SLC30A8: variants seen among roughly 807,000 people sequenced by gnomAD.
SLC30A8 encodes proton-coupled zinc antiporter SLC30A8.
SLC30A8 carries 27 observed loss-of-function variants against 36.9 expected under a neutral mutation model. The ratio of observed to expected loss-of-function variants is 0.73; its 90% CI spans 0.54 to 1.01. The LOEUF (loss-of-function observed/expected upper bound fraction) is 1.01, where lower values mean the gene tolerates loss of function less well. Ranked by LOEUF, SLC30A8 falls within the 50% of genes least tolerant of loss-of-function variation. SLC30A8 has a pLI of 0.00. For synonymous variants in SLC30A8, 164 were observed against 172.4 expected, an observed-to-expected ratio of 0.95 and a Z score of 0.38; for missense variants, 439 against 452.0, an observed-to-expected ratio of 0.97 and a Z score of 0.26.
At chr8:116,989,481 C>T (rs1030748565) in intron 1 of SLC30A8, among the ~76,000 whole-genome samples, 2 of 152,030 alleles carry the variant, frequency 1.3e-5, no homozygotes, top group African/African-American at 4.8e-5. Context: ...TTATTATTTA[C>T]CTAAATTGTT....
At chr8:117,131,817 G>A (rs113592559), upstream of SLC30A8, among the ~76,000 whole-genome samples, 2 of 151,894 alleles carry the variant, frequency 1.3e-5, no homozygotes, top group Non-Finnish European at 2.9e-5. Context: ...CATATTATCT[G>A]TTTTCCTCTT....
intron 2 of SLC30A8, among the ~76,000 whole-genome samples, chr8:117,042,930 C>G (rs1465704540): frequency 6.6e-6 from 1 of 152,216 alleles, no homozygotes; most frequent in Non-Finnish European, 1.5e-5. Context: ...CTGGCCTTGG[C>G]TTCCCAAAGT....
chr8:117,065,962 G>T (rs1324904224), intron 2 of SLC30A8, among the ~76,000 whole-genome samples: 1 of 152,104 alleles, frequency 6.6e-6, no homozygotes, highest in African/African-American at 2.4e-5. Context: ...TGGGAAATTT[G>T]CCACAGATGG....
At chr8:116,957,700 C>G (rs1047264982) in intron 1 of SLC30A8, among the ~76,000 whole-genome samples, 2 of 152,042 alleles carry the variant, frequency 1.3e-5, no homozygotes, top group Non-Finnish European at 2.9e-5. Flanking sequence ...AGGACAGTGA[C>G]TTGGTGAGAG....
At chr8:117,133,331 C>T (rs1164900558), upstream of SLC30A8, among the ~76,000 whole-genome samples, 1 of 151,926 alleles carries the variant, frequency 6.6e-6, no homozygotes, top group Non-Finnish European at 1.5e-5. Context: ...TATTCTTGCC[C>T]CATAGGCAAT....
At chr8:117,099,078 T>C (rs1314576689) in intron 2 of SLC30A8, among the ~76,000 whole-genome samples, 4 of 152,208 alleles carry the variant, frequency 2.6e-5, no homozygotes, top group African/African-American at 9.7e-5. Flanking sequence ...TAAGTCAGCA[T>C]GCTAGAAGTA....
chr8:117,139,092 A>T (rs1821512150), intron 1 of SLC30A8, among the ~76,000 whole-genome samples: 1 of 151,534 alleles, frequency 6.6e-6, no homozygotes, highest in Non-Finnish European at 1.5e-5. Flanking sequence ...AGACAGGCAG[A>T]AAAAGAGGTA....
At chr8:117,158,742 G>A (rs149551798) in intron 4 of SLC30A8, among the ~76,000 whole-genome samples, 1 of 152,070 alleles carries the variant, frequency 6.6e-6, no homozygotes, top group African/African-American at 2.4e-5. Context: ...CCATTTGAGG[G>A]TCTAATTCTG....
At chr8:117,104,904 G>T (rs1213182412) in intron 2 of SLC30A8, among the ~76,000 whole-genome samples, 1 of 152,138 alleles carries the variant, frequency 6.6e-6, no homozygotes, top group Non-Finnish European at 1.5e-5. Context: ...GCCATATAGG[G>T]TAACTTCCTG....
Position 117,080,744 on chromosome 8 carries a change from C to T in SLC30A8, c.-226+41486C>T, listed in dbSNP as rs1365491855. ...CTTCATCCAGTCCACCATTGTTGGGCACCTGGGTTGATTCCATGTTTTTGC... is the reference window on the plus strand; with the variant it reads ...CTTCATCCAGTCCACCATTGTTGGGTACCTGGGTTGATTCCATGTTTTTGC... On this transcript the variant is annotated intron_variant, in intron 2 of 10. Transcript: ENST00000427715. Among the ~76,000 whole-genome samples the T allele has an allele frequency of 2.0e-5, 3 of 152,150 alleles. No homozygotes were observed. The East Asian group carries it at 5.8e-4, about 29-fold the overall frequency.
Position 116,976,735 on chromosome 8 carries a change from A to G in SLC30A8, c.-266+25616A>G, listed in dbSNP as rs147882129. 8.1e-3 allele frequency among the ~76,000 whole-genome samples: 1,235 copies of G among 151,984 alleles called. 8 individuals carry two copies. The highest frequency in any genetic ancestry group is 0.017 in the Middle Eastern group (5 of 292). On this transcript the variant is annotated intron_variant, in intron 1 of 10. Transcript: ENST00000427715. Reference sequence around the variant, plus strand: ...TCTGCTGGGGTAGGGGGGTCTTACAATGACTACTTAGCAGGATGTCATCAT... The same window carrying G: ...TCTGCTGGGGTAGGGGGGTCTTACAGTGACTACTTAGCAGGATGTCATCAT...
intron 1 of SLC30A8, among the ~76,000 whole-genome samples, chr8:117,005,142 A>G (rs1816134923): frequency 6.6e-6 from 1 of 152,160 alleles, no homozygotes; most frequent in Non-Finnish European, 1.5e-5. Flanking sequence ...TCACATGCCC[A>G]TTAGCTGTCA....
At chr8:116,977,453 T>C (rs2130633814) in intron 1 of SLC30A8, among the ~76,000 whole-genome samples, 1 of 151,494 alleles carries the variant, frequency 6.6e-6, no homozygotes, top group East Asian at 1.9e-4. Context: ...GTGCCTGGCC[T>C]TTTCTTTCTT....
chr8:117,148,147 C>A (rs1238252284), intron 2 of SLC30A8, among the ~76,000 whole-genome samples: 1 of 151,928 alleles, frequency 6.6e-6, no homozygotes, highest in Non-Finnish European at 1.5e-5. Context: ...ATTTTGAGCT[C>A]ATTTCTTTTA....
chr8:117,068,475 A>G (rs1053650094), intron 2 of SLC30A8, among the ~76,000 whole-genome samples: 1 of 152,156 alleles, frequency 6.6e-6, no homozygotes, highest in African/African-American at 2.4e-5. Flanking sequence ...TCTGCTCCAC[A>G]TGCATCATTT....
chr8:117,028,120 A>T (rs762375867), intron 1 of SLC30A8, among the ~76,000 whole-genome samples: 18 of 152,102 alleles, frequency 1.2e-4, no homozygotes, highest in Non-Finnish European at 2.6e-4. Context: ...TGCTGGAGGG[A>T]AAGAAGTGGA....
At chr8:117,080,686 A>G (rs1417511823) in intron 2 of SLC30A8, among the ~76,000 whole-genome samples, 1 of 152,194 alleles carries the variant, frequency 6.6e-6, no homozygotes, top group African/African-American at 2.4e-5. Flanking sequence ...TTATGGCTGC[A>G]TAGTATTCTA....
At chr8:117,082,452 T>TCTTGGC (rs1270570172) in intron 2 of SLC30A8, among the ~76,000 whole-genome samples, 1 of 152,208 alleles carries the variant, frequency 6.6e-6, no homozygotes, top group Non-Finnish European at 1.5e-5. Flanking sequence ...AGTGTAGTGG[T>TCTTGGC]CTTGGCTGAG....
rs566554523 is a variant in SLC30A8 at position 117,151,627 on chromosome 8, G to C, written c.272-1317G>C. ...GCCTCAGCTGAGACTGTTGAAGAGA[G>C]TTTATAAAACTGACTTCATTTCCTT... On this transcript the variant is annotated intron_variant, in intron 2 of 7. Transcript: ENST00000456015. Among the ~76,000 whole-genome samples the C allele has an allele frequency of 8.5e-5, 13 of 152,294 alleles. No individual in the cohort carries two copies. The South Asian group carries it at 2.7e-3, about 32-fold the overall frequency.
Sources: allele counts gnomAD v4.1 joint callset (sites outside exome capture counted in the v4.1 genomes callset), GRCh38; gene constraint gnomAD v4.1.1; transcripts MANE v1.5; gene names NCBI Gene and HGNC (gene_info 2026-07-23, HGNC 2026-07-21).